The following GABARAPL1 variants were observed in gnomAD, a reference collection of about 807,000 sequenced individuals.
The protein encoded by GABARAPL1 is gamma-aminobutyric acid receptor-associated protein-like 1.
GABARAPL1 carries 4 observed loss-of-function variants against 14.5 expected under a neutral mutation model. The ratio of observed to expected loss-of-function variants is 0.28; its 90% CI spans 0.14 to 0.63. The LOEUF is 0.63. GABARAPL1 is among the 30% of genes least tolerant of loss of function. The pLI is 0.84. For synonymous variants in GABARAPL1, 47 were observed against 50.6 expected (o/e 0.93, Z 0.30); for missense variants, 82 against 139.2 (o/e 0.59, Z 2.07).
chr12:10,220,935 C>A, intron 3 of GABARAPL1: 5 of 1,316,186 alleles, frequency 3.8e-6, no homozygotes, highest in Non-Finnish European at 4.8e-6. Flanking sequence ...CATTCAGAAT[C>A]CAGTTCATTA....
chr12:10,221,686 G>T, intron 3 of GABARAPL1, 101 bp from the exon 4 acceptor site: 1 of 1,338,504 alleles, frequency 7.5e-7, no homozygotes. Flanking sequence ...GGGGACTAAT[G>T]ATACCTTCCA....
chr12:10,218,811 C>T lies in GABARAPL1; in HGVS notation c.169+670C>T, dbSNP rs111925353. Among the ~76,000 whole-genome samples the T allele has an allele frequency of 8.8e-4, 134 of 151,614 alleles. 1 individual carries two copies. The East Asian group carries it at 0.021, about 23-fold the overall frequency. On this transcript the variant is annotated intron_variant, in intron 2 of 3. Coordinates refer to ENST00000266458, the MANE Select transcript of GABARAPL1 (RefSeq NM_031412.4). ...GCAACCTCCGTCTCCTGGATTCAAG[C>T]GATTCTCCTGCCTCAGCCTGCCGAG...
rs1039687704 is a variant in GABARAPL1, at chr12:10,220,980, C to T, written c.288+422C>T. ...CATTTAGCAACAGATTGAGAAAGCA[C>T]GTAATAGTAAAGCCAGCTCCTTCTA... is the stretch of plus-strand genomic sequence containing the variant. On this transcript the variant is annotated intron_variant, in intron 3 of 3. Coordinates refer to ENST00000266458, the MANE Select transcript of GABARAPL1 (RefSeq NM_031412.4). The T allele has an allele frequency of 6.5e-5, 80 of 1,232,014 alleles. No individual in the cohort carries two copies. In the African/African-American group the frequency reaches 1.1e-3, roughly 17 times the overall value. The allele number at this position is 1,232,014 out of a possible 1,614,324, so 76.3% of individuals were successfully genotyped here.
At chr12:10,213,849 T>G (rs1949072625) in intron 1 of GABARAPL1, 1 of 455,858 alleles carries the variant, frequency 2.2e-6, no homozygotes, top group Non-Finnish European at 4.4e-6. Flanking sequence ...CCGGGGCTTG[T>G]GTGGGGACAG....
chr12:10,221,072 A>G, intron 3 of GABARAPL1: 2 of 985,410 alleles, frequency 2.0e-6, no homozygotes, highest in Non-Finnish European at 2.4e-6. Context: ...TGAACTCTGA[A>G]GTTTTGGCTT....
Position 10,221,969 on chromosome 12 carries a change from T to C in GABARAPL1, c.*117T>C, listed in dbSNP as rs1249567830. ...CGCAAGGAGACAGAAGGTGAAGACA[T>C]CTAGAAACATTACACCACACACACC... On this transcript the variant is annotated 3_prime_UTR_variant, in exon 4 of 4. Coordinates refer to ENST00000266458, the MANE Select transcript of GABARAPL1 (RefSeq NM_031412.4). 9 of 815,304 alleles carry C rather than the reference T, an allele frequency of 1.1e-5. No homozygotes were observed. Among genetic ancestry groups the C allele is most frequent in the Non-Finnish European group, 1.9e-5 (9 of 482,272 alleles). The allele number at this position is 815,304 out of a possible 1,614,324, so 50.5% of individuals were successfully genotyped here.
Position 10,218,135 on chromosome 12 carries a change from C to G in GABARAPL1, c.163C>G (p.Leu55Val). ...GAGGAAGTACCTAGTGCCCTCTGAC[C>G]TTACTGGTAATGCTCTTTGCCTTCC... ...DKRKYLVPSD[L>V]TVGQFYFLIR... Residue 55 changes from leucine (L) to valine (V), a missense_variant, in exon 2 of 4, where the codon CTT becomes GTT. By Grantham distance (32) the Leu-to-Val change is conservative (BLOSUM62 1). Around this residue, in one of 3 missense-constraint regions of GABARAPL1, gnomAD observed 65 missense variants for 103.7 expected, o/e 0.63. Transcript: ENST00000266458. 1 of 1,598,648 alleles carries G rather than the reference C, an allele frequency of 6.3e-7. No individual in the cohort carries two copies. The highest frequency in any genetic ancestry group is 8.6e-7 in the Non-Finnish European group (1 of 1,165,904).
chr12:10,221,733 T>C lies in GABARAPL1; in HGVS notation c.289-54T>C, dbSNP rs1303714532. The C allele has an allele frequency of 4.4e-6, 7 of 1,594,314 alleles. No individual in the cohort carries two copies. In the Admixed American group the frequency reaches 1.2e-4, roughly 27 times the overall value. Reference sequence around the variant, plus strand: ...CAAGGTTGTGTGAGGCTCAGCATCTTAGAGCTAATGAATGAATATGTTTTC... The same window carrying C: ...CAAGGTTGTGTGAGGCTCAGCATCTCAGAGCTAATGAATGAATATGTTTTC... On this transcript the variant is annotated intron_variant, in intron 3 of 3. Coordinates refer to ENST00000266458, the MANE Select transcript of GABARAPL1 (RefSeq NM_031412.4).
chr12:10,219,967 T>C (rs1383981971), intron 2 of GABARAPL1, among the ~76,000 whole-genome samples: 3 of 152,152 alleles, frequency 2.0e-5, no homozygotes, highest in Non-Finnish European at 2.9e-5. Flanking sequence ...AGGCAAAGCA[T>C]TGAACCTTGT....
In GABARAPL1 at chr12:10,222,841, C is replaced by T. The variant is rs1224180090; in HGVS notation, c.*989C>T. 1.3e-5 allele frequency: 2 copies of T among 152,498 alleles called. No homozygotes were observed. Among genetic ancestry groups the T allele is most frequent in the Non-Finnish European group, 2.9e-5 (2 of 68,046 alleles). The allele number at this position is 152,498 out of a possible 1,614,324, so 9.4% of individuals were successfully genotyped here. A position where few individuals can be genotyped will look rare whatever the true frequency, so the allele number is the denominator to read the frequency against. ...ATGCTACATGATGGCCAGCTGCTTC[C>T]CTCCTTGGTTATCATCCACTGCAGC... is the stretch of plus-strand genomic sequence containing the variant. On this transcript the variant is annotated 3_prime_UTR_variant, in exon 4 of 4. Coordinates refer to ENST00000266458, the MANE Select transcript of GABARAPL1 (RefSeq NM_031412.4).
In GABARAPL1 at chr12:10,221,022, C is replaced by G. The variant is rs969760834; in HGVS notation, c.288+464C>G. 6 of 985,282 alleles carry G rather than the reference C, an allele frequency of 6.1e-6. No individual in the cohort carries two copies. In the African/African-American group the frequency reaches 1.0e-4, roughly 17 times the overall value. 61.0% of individuals were successfully genotyped at this position (985,282 alleles called of 1,614,324 possible). ...CTCCTTCTAACTCTGAGGCCAGCCT[C>G]TGCCAACTGAAGGATTCTCCCCACA... On this transcript the variant is annotated intron_variant, in intron 3 of 3. Transcript: ENST00000266458.
intron 3 of GABARAPL1, 147 bp downstream of exon 3, chr12:10,220,705 G>T (rs1949116391): frequency 1.3e-6 from 2 of 1,539,014 alleles, no homozygotes; most frequent in Non-Finnish European, 8.8e-7. Context: ...GCAGTGTAAG[G>T]CTCTGAGAGA....
intron 3 of GABARAPL1, chr12:10,221,338 C>G (rs964212348): frequency 8.2e-6 from 8 of 980,602 alleles, no homozygotes; most frequent in East Asian, 1.1e-4. Context: ...AAAATATAAC[C>G]TGGGATTATA....
chr12:10,220,107 G>A (rs947090033), intron 2 of GABARAPL1, among the ~76,000 whole-genome samples: 6 of 152,182 alleles, frequency 3.9e-5, no homozygotes, highest in Non-Finnish European at 7.3e-5. Context: ...TTTAGACAGT[G>A]ATGGGAATGT....
At chr12:10,216,825 C>T (rs1400599602) in intron 1 of GABARAPL1, among the ~76,000 whole-genome samples, 1 of 152,136 alleles carries the variant, frequency 6.6e-6, no homozygotes, top group Non-Finnish European at 1.5e-5. Flanking sequence ...CAGGCATGAG[C>T]CATTGCGCCC....
At chr12:10,213,983 G>A (rs2137584660) in intron 1 of GABARAPL1, 1 of 420,438 alleles carries the variant, frequency 2.4e-6, no homozygotes, top group African/African-American at 2.0e-5. Flanking sequence ...CAGTGAGTAG[G>A]AACAGAAAAG....
intron 1 of GABARAPL1, chr12:10,213,489 C>T (rs11053687): frequency 0.14 from 61,668 of 456,544 alleles, 7,447 homozygotes; most frequent in East Asian, 0.49. Context: ...CAGCAACCCA[C>T]ACACGGTCTC....
chr12:10,220,746 C>A, intron 3 of GABARAPL1, 188 bp downstream of exon 3: 1 of 1,515,304 alleles, frequency 6.6e-7, no homozygotes, highest in South Asian at 1.2e-5. Flanking sequence ...AGGGATTAGC[C>A]ACTCTACTAG....
At chr12:10,214,018 G>C (rs1592003287) in intron 1 of GABARAPL1, 1 of 353,120 alleles carries the variant, frequency 2.8e-6, no homozygotes, top group Non-Finnish European at 5.9e-6. Context: ...CAGCATCCGG[G>C]CGTTTTCCCC....
Sources: allele counts gnomAD v4.1 joint callset (sites outside exome capture counted in the v4.1 genomes callset), GRCh38; gene constraint gnomAD v4.1.1; regional missense constraint gnomAD v4.1.1; transcripts MANE v1.5; gene names NCBI Gene and HGNC (gene_info 2026-07-23, HGNC 2026-07-21).